The following PBX1 variants were observed in gnomAD, a reference collection of about 807,000 sequenced individuals.
PBX1 encodes PBX homeobox 1, also known as pre-B-cell leukemia transcription factor 1.
A neutral mutation model predicts 53.4 loss-of-function variants in PBX1; 6 were observed. That is an observed-to-expected ratio of 0.11 (90% CI 0.06 to 0.22). PBX1 has a LOEUF of 0.22. Among genes scored for constraint, PBX1 ranks in the 10% least tolerant of loss-of-function variants. The pLI is 1.00. For synonymous variants in PBX1, 204 were observed against 212.3 expected (o/e 0.96, Z 0.34); for missense variants, 251 against 551.4 (o/e 0.46, Z 5.46).
chr1:164,637,534 A>G (rs1026033765), intron 2 of PBX1, among the ~76,000 whole-genome samples: 13 of 152,256 alleles, frequency 8.5e-5, no homozygotes, highest in African/African-American at 2.9e-4. Flanking sequence ...GGCAGGAGGT[A>G]GGGTGAGGGA....
chr1:164,830,565 T>C (rs1009070551), intron 8 of PBX1, among the ~76,000 whole-genome samples: 11 of 152,244 alleles, frequency 7.2e-5, no homozygotes, highest in Admixed American at 2.6e-4. Context: ...ACATTTGTTA[T>C]GGTTTTTTTG....
At chr1:164,614,886 G>C (rs947189524) in intron 2 of PBX1, among the ~76,000 whole-genome samples, 3 of 152,062 alleles carry the variant, frequency 2.0e-5, no homozygotes, top group Non-Finnish European at 2.9e-5. Context: ...CGATTCTCTT[G>C]CCTCAGCCTC....
intron 2 of PBX1, among the ~76,000 whole-genome samples, chr1:164,676,485 A>G (rs1661439285): frequency 6.6e-6 from 1 of 152,202 alleles, no homozygotes; most frequent in African/African-American, 2.4e-5. Flanking sequence ...CTAGAACACC[A>G]TGCCCAAGCA....
At chr1:164,866,755 T>C (rs1672229366) in intron 2 of PBX1, among the ~76,000 whole-genome samples, 1 of 152,208 alleles carries the variant, frequency 6.6e-6, no homozygotes, top group African/African-American at 2.4e-5. Context: ...GCCAGATAAC[T>C]ATACTTTGAA....
At chr1:164,821,938 A>G (rs894141497) in intron 8 of PBX1, among the ~76,000 whole-genome samples, 8 of 152,218 alleles carry the variant, frequency 5.3e-5, no homozygotes, top group Non-Finnish European at 1.0e-4. Flanking sequence ...CAACAGTGGT[A>G]GGAAATGTGA....
intron 2 of PBX1, among the ~76,000 whole-genome samples, chr1:164,786,410 A>G (rs1344447302): frequency 6.6e-6 from 1 of 152,070 alleles, no homozygotes; most frequent in East Asian, 1.9e-4. Context: ...TCTTCTCGTC[A>G]GGGCAGATTT....
At chr1:164,791,247 G>A (rs972217560) in intron 2 of PBX1, among the ~76,000 whole-genome samples, 2 of 152,088 alleles carry the variant, frequency 1.3e-5, no homozygotes, top group African/African-American at 2.4e-5. Flanking sequence ...AGACTGTCTC[G>A]CTCTTCTGCT....
intron 2 of PBX1, among the ~76,000 whole-genome samples, chr1:164,665,763 G>A (rs549757111): frequency 6.6e-5 from 10 of 152,260 alleles, no homozygotes; most frequent in East Asian, 3.9e-4. Flanking sequence ...GAATGTGGCC[G>A]CTTCCACCCC....
intron 2 of PBX1, among the ~76,000 whole-genome samples, chr1:164,724,670 ATTTTTTTTTTTTTTTTTTTTTTTTTT>A (rs59042806): frequency 1.0e-4 from 5 of 48,234 alleles, no homozygotes; most frequent in Admixed American, 7.4e-4. Context: ...ATAGCTGCAG[ATTTTTTTTTTTTTTTTTTTTTTTTTT>A]TTTTTTTTTT....
chr1:164,568,528 A>G (rs1489512718), intron 2 of PBX1, among the ~76,000 whole-genome samples: 7 of 152,222 alleles, frequency 4.6e-5, no homozygotes, highest in African/African-American at 1.2e-4. Flanking sequence ...GTAAGATTTA[A>G]GGAATGCAAT....
At chr1:164,869,095 A>T (rs1672288020) in intron 2 of PBX1, among the ~76,000 whole-genome samples, 1 of 152,190 alleles carries the variant, frequency 6.6e-6, no homozygotes. Flanking sequence ...CACCTCAATG[A>T]TGCCACGCTG....
At chr1:164,653,589 G>C (rs541318897) in intron 2 of PBX1, among the ~76,000 whole-genome samples, 1 of 151,914 alleles carries the variant, frequency 6.6e-6, no homozygotes, top group Non-Finnish European at 1.5e-5. Flanking sequence ...CCTGGCCAAC[G>C]TGGTGAAACC....
intron 2 of PBX1, among the ~76,000 whole-genome samples, chr1:164,782,443 G>GTCTCGTCTC (rs1667980384): frequency 6.6e-6 from 1 of 152,084 alleles, no homozygotes; most frequent in South Asian, 2.1e-4. Context: ...ATCAGTGGTA[G>GTCTCGTCTC]GTCTCGTCTC....
intron 2 of PBX1, among the ~76,000 whole-genome samples, chr1:164,751,229 C>T (rs1311568949): frequency 3.3e-5 from 5 of 150,458 alleles, no homozygotes; most frequent in East Asian, 2.0e-4. Flanking sequence ...GTGGGAGAAT[C>T]GCTTGAGCCC....
intron 2 of PBX1, among the ~76,000 whole-genome samples, chr1:164,877,811 A>C (rs1672553502): frequency 2.0e-5 from 3 of 152,230 alleles, no homozygotes; most frequent in African/African-American, 2.4e-5. Context: ...TACACAAGTG[A>C]TCACCACAAC....
chr1:164,799,155 T>G (rs1156995665), intron 3 of PBX1, among the ~76,000 whole-genome samples: 2 of 152,094 alleles, frequency 1.3e-5, no homozygotes. Context: ...AAAAAAAGAT[T>G]AAGATAAAAT....
At chr1:164,721,189 G>T (rs1303995874) in intron 2 of PBX1, among the ~76,000 whole-genome samples, 1 of 152,216 alleles carries the variant, frequency 6.6e-6, no homozygotes, top group Non-Finnish European at 1.5e-5. Context: ...GCATCATCAT[G>T]CAGGGGGCTT....
At chr1:164,687,582 A>G (rs1332087900) in intron 2 of PBX1, among the ~76,000 whole-genome samples, 1 of 144,526 alleles carries the variant, frequency 6.9e-6, no homozygotes, top group African/African-American at 2.5e-5. Context: ...AAAAAAAAAA[A>G]AGGAAATAGT....
At position 164,849,407 on chromosome 1, in the gene PBX1, T is replaced by C. The variant is rs1353980339; in HGVS notation, c.*2731T>C. On this transcript the variant is annotated 3_prime_UTR_variant, in exon 9 of 9. Coordinates refer to ENST00000420696, the MANE Select transcript of PBX1 (RefSeq NM_002585.4). ...CTTCCAACGTGGCATCCGTGAGATCTGTCCACATTAGGCGAAGCAGGAGAA... is the reference window on the plus strand; with the variant it reads ...CTTCCAACGTGGCATCCGTGAGATCCGTCCACATTAGGCGAAGCAGGAGAA... 2 of 1,535,624 alleles carry C rather than the reference T, an allele frequency of 1.3e-6. No individual in the cohort carries two copies. Among genetic ancestry groups the C allele is most frequent in the Admixed American group, 3.9e-5 (2 of 51,002 alleles).
Sources: allele counts gnomAD v4.1 joint callset (sites outside exome capture counted in the v4.1 genomes callset), GRCh38; gene constraint gnomAD v4.1.1; transcripts MANE v1.5; gene names NCBI Gene and HGNC (gene_info 2026-07-23, HGNC 2026-07-21).